PTBP1: variants seen among roughly 807,000 people sequenced by gnomAD.
PTBP1 encodes polypyrimidine tract binding protein 1.
PTBP1 carries 8 observed loss-of-function variants against 59.8 expected under a neutral mutation model. The observed-to-expected ratio is 0.13, with a 90% CI of 0.08 to 0.24. PTBP1 has a LOEUF of 0.24. Ranked by LOEUF, PTBP1 falls within the 10% of genes least tolerant of loss-of-function variation. The pLI, the probability that PTBP1 is intolerant of heterozygous loss-of-function variation, is 1.00. For synonymous variants in PTBP1, 490 were observed against 320.7 expected, an observed-to-expected ratio of 1.53 and a Z score of -5.64; for missense variants, 686 against 767.0, an observed-to-expected ratio of 0.89 and a Z score of 1.25.
At chr19:804,763 C>G in intron 6 of PTBP1, 61 bp downstream of exon 6, 2 of 1,606,008 alleles carry the variant, frequency 1.2e-6, no homozygotes, top group East Asian at 2.2e-5. Context: ...CACAGGCACA[C>G]GGGAGGGGCC....
Position 808,910 on chromosome 19 carries a change from G to A in PTBP1, c.1463+148G>A. On this transcript the variant is annotated intron_variant, in intron 13 of 14. Transcript: ENST00000356948. The surrounding 1 kb of genome is among the most constrained non-coding windows in gnomAD (Gnocchi z 4.7). ...CAAACCTGAAGTACTGCAAGGCCTG[G>A]AGCTTGAGCCGAGGGCTGCTCAAGG... 1.3e-6 allele frequency: 1 copy of A among 757,942 alleles called. No homozygotes were observed. The highest frequency in any genetic ancestry group is 2.2e-6 in the Non-Finnish European group (1 of 462,742). 47.0% of individuals were successfully genotyped at this position (757,942 alleles called of 1,614,324 possible).
rs751567204 is a variant in PTBP1, at chr19:805,004, T to A, written c.718-9T>A. 1.9e-6 allele frequency: 3 copies of A among 1,613,176 alleles called. No homozygotes were observed. Among genetic ancestry groups the A allele is most frequent in the South Asian group, 2.2e-5 (2 of 91,052 alleles). On this transcript the variant is annotated splice_polypyrimidine_tract_variant and intron_variant, in intron 7 of 14. Transcript: ENST00000356948. ...GCCCGGCGACGTCTCACGGTCCCTC[T>A]CCCCTCAGTCGCTGGACGGGCAGAA...
intron 9 of PTBP1, chr19:805,860 G>T: frequency 2.2e-6 from 1 of 449,774 alleles, no homozygotes; most frequent in East Asian, 4.5e-5. Flanking sequence ...AGGACCGCCA[G>T]TGGTTGGAGG....
intron 13 of PTBP1, among the ~76,000 whole-genome samples, chr19:809,273 C>A (rs1057020621): frequency 2.0e-5 from 3 of 151,984 alleles, no homozygotes; most frequent in Non-Finnish European, 4.4e-5. Flanking sequence ...TCCCAAAGTG[C>A]TGGGATACAG....
intron 13 of PTBP1, 71 bp from the exon 14 acceptor site, chr19:810,472 A>C: frequency 7.4e-7 from 1 of 1,351,534 alleles, no homozygotes. Flanking sequence ...AGTCTGGGGA[A>C]AGCCTCGCGG....
intron 9 of PTBP1, chr19:806,088 C>CGGGACGGGCCCTGCTTG (rs1443883033): frequency 3.3e-6 from 1 of 304,192 alleles, no homozygotes; most frequent in Non-Finnish European, 6.0e-6. Context: ...GCGGTGGTCC[C>CGGGACGGGCCCTGCTTG]GGGACGGGCC....
rs757689896 is a variant in PTBP1 at position 804,036 on chromosome 19, C to G, written c.116C>G (p.Ala39Gly). ...FIMSSNSASA[A>G]NGNDSKKFKG... ...GCATCTCATGGCACCCCCTTTTCAG[C>G]AAACGGAAATGACAGCAAGAAGTTC... The change falls in exon 4 of 15, where the codon GCA (alanine) becomes GGA (glycine). Residue 39 changes from alanine to glycine, a missense_variant and splice_region_variant. Ala to Gly is a moderately conservative substitution (Grantham distance 60, BLOSUM62 0). Coordinates refer to ENST00000356948, the MANE Select transcript of PTBP1 (RefSeq NM_002819.5). 2 of 1,613,970 alleles carry G rather than the reference C, an allele frequency of 1.2e-6. No homozygotes were observed. The highest frequency in any genetic ancestry group is 1.1e-5 in the South Asian group (1 of 91,080).
chr19:805,346 A>G (rs2145049815), intron 8 of PTBP1, 146 bp from the exon 9 acceptor site: 4 of 1,193,184 alleles, frequency 3.4e-6, no homozygotes, highest in Admixed American at 4.1e-5. Context: ...CCACGTCGGG[A>G]CCACGGCCCC....
intron 9 of PTBP1, 126 bp downstream of exon 9, chr19:805,695 C>A: frequency 1.2e-6 from 1 of 816,330 alleles, no homozygotes; most frequent in Non-Finnish European, 2.1e-6. Flanking sequence ...GGGGCCCTTC[C>A]CGGGAGAGGG....
In PTBP1 at chr19:804,633, G is replaced by A. The variant is rs767103531; in HGVS notation, c.537G>A (p.Gly179=). Residue 179 remains glycine (G), a synonymous_variant, in exon 6 of 15, where the codon GGG becomes GGA. Transcript: ENST00000356948. ...AAVDAGMAMA[G]QSPVLRIIVE... is the part of the protein sequence containing the mutation. ...TGGACGCAGGGATGGCGATGGCCGG[G>A]CAGAGCCCCGTGCTCAGGATCATCG... is the stretch of plus-strand genomic sequence containing the variant. 6.2e-7 allele frequency: 1 copy of A among 1,612,860 alleles called. No homozygotes were observed. The highest frequency in any genetic ancestry group is 8.5e-7 in the Non-Finnish European group (1 of 1,179,828).
intron 4 of PTBP1, 21 bp from the exon 5 acceptor site, chr19:804,271 C>G (rs769450168): frequency 1.9e-6 from 3 of 1,612,860 alleles, no homozygotes; most frequent in Non-Finnish European, 2.5e-6. Flanking sequence ...GAGGGCCCAG[C>G]GCTCACTGCC....
rs187053484 is a variant in PTBP1 at position 811,791 on chromosome 19, C to A, written c.*965C>A. 1.3e-5 allele frequency: 2 copies of A among 152,480 alleles called. No individual in the cohort carries two copies. Among genetic ancestry groups the A allele is most frequent in the Non-Finnish European group, 2.9e-5 (2 of 68,050 alleles). 9.4% of individuals were successfully genotyped at this position (152,480 alleles called of 1,614,324 possible). The stretch of plus-strand genomic sequence containing the variant: ...TCGCCTCCGGTTGCCTTACACCACG[C>A]CTTCACCTGCAGTCGCCTAGAAAAC... On this transcript the variant is annotated 3_prime_UTR_variant, in exon 15 of 15. Transcript: ENST00000356948.
At chr19:802,224 C>G (rs886427373) in intron 2 of PTBP1, among the ~76,000 whole-genome samples, 1 of 152,190 alleles carries the variant, frequency 6.6e-6, no homozygotes, top group South Asian at 2.1e-4. Context: ...TCTTGCCGTC[C>G]GCGTCGGGAG....
Position 803,608 on chromosome 19 carries a change from T to G in PTBP1, c.87T>G (p.Phe29Leu). Reference protein sequence around the residue: ...LFSTCVTNGPFIMSSNSASAA... With the variant: ...LFSTCVTNGPLIMSSNSASAA... ...CTACTTGTGTCACTAACGGACCGTT[T>G]ATCATGAGCAGCAACTCGGCTTCTG... Residue 29 changes from phenylalanine (F) to leucine (L), a missense_variant, in exon 3 of 15, where the codon TTT (phenylalanine) becomes TTG (leucine). Phe to Leu is a conservative substitution (Grantham distance 22). Coordinates refer to ENST00000356948, the MANE Select transcript of PTBP1 (RefSeq NM_002819.5). The G allele has an allele frequency of 6.2e-7, 1 of 1,614,180 alleles. No homozygotes were observed. The highest frequency in any genetic ancestry group is 8.5e-7 in the Non-Finnish European group (1 of 1,180,006).
chr19:798,516 G>A (rs371454160), intron 1 of PTBP1: 1 of 152,308 alleles, frequency 6.6e-6, no homozygotes, highest in Non-Finnish European at 1.5e-5. Flanking sequence ...CCTAGAGTGG[G>A]TCTGGACCCC....
chr19:805,365 C>A, intron 8 of PTBP1, 127 bp from the exon 9 acceptor site: 1 of 1,197,890 alleles, frequency 8.3e-7, no homozygotes, highest in South Asian at 1.4e-5. Flanking sequence ...CCCCCTGGAG[C>A]AGCGGATCTG....
chr19:810,232 G>C (rs1269169982), intron 13 of PTBP1, among the ~76,000 whole-genome samples: 3 of 152,200 alleles, frequency 2.0e-5, no homozygotes, highest in African/African-American at 7.2e-5. Flanking sequence ...ACTTGAACCT[G>C]CAGGCGGAGG....
intron 8 of PTBP1, 109 bp downstream of exon 8, chr19:805,296 C>T: frequency 4.5e-6 from 6 of 1,332,128 alleles, no homozygotes; most frequent in Non-Finnish European, 6.3e-6. Flanking sequence ...GATGCACCTG[C>T]TGCTCTCTGC....
chr19:801,045 C>T (rs2034310230), intron 2 of PTBP1, among the ~76,000 whole-genome samples: 1 of 151,470 alleles, frequency 6.6e-6, no homozygotes, highest in East Asian at 1.9e-4. Flanking sequence ...GAGCCCTCAG[C>T]TGACCTGGGC....
Sources: allele counts gnomAD v4.1 joint callset (sites outside exome capture counted in the v4.1 genomes callset), GRCh38; gene constraint gnomAD v4.1.1; non-coding constraint Gnocchi (gnomAD v3.1); transcripts MANE v1.5; gene names NCBI Gene and HGNC (gene_info 2026-07-23, HGNC 2026-07-21).